Variants in LINGO4 observed in about 807,000 individuals in gnomAD.
The protein encoded by LINGO4 is leucine-rich repeat and immunoglobulin-like domain-containing nogo receptor-interacting protein 4.
Under a neutral mutation model 27.9 loss-of-function variants are expected in LINGO4, and 22 were observed. The observed-to-expected ratio is 0.79, with a 90% CI of 0.56 to 1.13. LINGO4 has a LOEUF of 1.13. Ranked by LOEUF, LINGO4 falls within the 50% of genes most tolerant of loss-of-function variation. The pLI is 0.00. For missense variants in LINGO4, 706 were observed against 739.4 expected (o/e 0.95, Z 0.52); for synonymous variants, 306 against 325.8 (o/e 0.94, Z 0.65).
chr1:151,804,462 T>C (rs933770417), intron 1 of LINGO4, among the ~76,000 whole-genome samples: 3 of 152,200 alleles, frequency 2.0e-5, no homozygotes, highest in Non-Finnish European at 4.4e-5. Context: ...CCTAGGCTTG[T>C]TCTGGGAAGT....
In LINGO4 at chr1:151,801,627, G is replaced by A; in HGVS notation, c.1078C>T (p.Leu360=). ...CAGAGGAGGCGGCAGTCACAGGTTA[G>A]GGGGTTGCCAGACAGCCTCAAGGTG... ...LVTLRLSGNP[L]TCDCRLLWLL... Residue 360 remains leucine (L), a synonymous_variant, in exon 2 of 2, where the codon CTA becomes TTA. Coordinates refer to ENST00000368820, the MANE Select transcript of LINGO4 (RefSeq NM_001004432.4). This position sits in a 1 kb window ranked among gnomAD's most constrained non-coding sequence, Gnocchi z 5.7. 6.2e-7 allele frequency: 1 copy of A among 1,614,006 alleles called. No individual in the cohort carries two copies. Among genetic ancestry groups the A allele is most frequent in the African/African-American group, 1.3e-5 (1 of 75,074 alleles).
Position 151,801,033 on chromosome 1 carries a change from T to C in LINGO4, c.1672A>G (p.Ser558Gly). The change falls in exon 2 of 2, where the codon AGC becomes GGC. Residue 558 changes from serine (S) to glycine (G), a missense_variant. Transcript: ENST00000368820. The surrounding 1 kb of genome is among the most constrained non-coding windows in gnomAD (Gnocchi z 5.7). ...TLCFGLIALW[S>G]KGKGRVKHHM... ...TGTTTGACCCGACCTTTGCCCTTGC[T>C]CCAAAGGGCAATCAGGCCAAAGCAG... is the stretch of plus-strand genomic sequence containing the variant. 1 of 1,613,968 alleles carries C rather than the reference T, an allele frequency of 6.2e-7. No homozygotes were observed. Among genetic ancestry groups the C allele is most frequent in the South Asian group, 1.1e-5 (1 of 91,066 alleles).
At chr1:151,804,481 C>CAGCT (rs1168023507) in intron 1 of LINGO4, among the ~76,000 whole-genome samples, 2 of 152,374 alleles carry the variant, frequency 1.3e-5, no homozygotes, top group African/African-American at 4.8e-5. Flanking sequence ...GTCCACCTGA[C>CAGCT]AGCTAGCTCT....
In LINGO4 at chr1:151,802,623, C is replaced by A; in HGVS notation, c.82G>T (p.Gly28Cys). The A allele has an allele frequency of 6.3e-7, 1 of 1,593,802 alleles. No homozygotes were observed. Among genetic ancestry groups the A allele is most frequent in the Admixed American group, 1.7e-5 (1 of 57,462 alleles). Residue 28 changes from glycine to cysteine, a missense_variant, in exon 2 of 2, where the codon GGT (glycine) becomes TGT (cysteine). By Grantham distance (159) the Gly-to-Cys change is radical. Coordinates refer to ENST00000368820, the MANE Select transcript of LINGO4 (RefSeq NM_001004432.4). ...LFLLLLPGGS[G>C]GSCPAVCDCT... The stretch of plus-strand genomic sequence containing the variant: ...TCACACACAGCAGGGCAGCTGCCAC[C>A]GCTCCCTCCAGGTAGGAGGAGGAGG...
intron 1 of LINGO4, 68 bp from the exon 2 acceptor site, chr1:151,802,785 G>A: frequency 8.6e-7 from 1 of 1,162,906 alleles, no homozygotes. Flanking sequence ...TGGACTTCCT[G>A]GCCCTTCTTA....
chr1:151,801,631 G>A lies in LINGO4; in HGVS notation c.1074C>T (p.Asn358=). Residue 358 remains asparagine (N), a synonymous_variant, in exon 2 of 2, where the codon AAC becomes AAT. Coordinates refer to ENST00000368820, the MANE Select transcript of LINGO4 (RefSeq NM_001004432.4). The surrounding 1 kb of genome is among the most constrained non-coding windows in gnomAD (Gnocchi z 5.7). The stretch of plus-strand genomic sequence containing the variant: ...GGAGGCGGCAGTCACAGGTTAGGGG[G>A]TTGCCAGACAGCCTCAAGGTGACCA... ...DKLVTLRLSG[N]PLTCDCRLLW... is the part of the protein sequence containing the mutation. 1 of 1,614,060 alleles carries A rather than the reference G, an allele frequency of 6.2e-7. No individual in the cohort carries two copies.
At position 151,801,263 on chromosome 1, in the gene LINGO4, G is replaced by A. The variant is rs771331692; in HGVS notation, c.1442C>T (p.Ala481Val). 1 of 1,614,136 alleles carries A rather than the reference G, an allele frequency of 6.2e-7. No individual in the cohort carries two copies. Among genetic ancestry groups the A allele is most frequent in the Non-Finnish European group, 8.5e-7 (1 of 1,180,016 alleles). Reference protein sequence around the residue: ...IRSVQLRDRGAYVCVVSNVAG... With the variant: ...IRSVQLRDRGVYVCVVSNVAG... ...GACATTGCTAACCACACAGACATAG[G>A]CCCCTCTGTCCCGTAGCTGCACTGA... The change falls in exon 2 of 2, where the codon GCC becomes GTC. Residue 481 changes from alanine to valine, a missense_variant. Ala to Val is a moderately conservative substitution (Grantham distance 64). Transcript: ENST00000368820. This position sits in a 1 kb window ranked among gnomAD's most constrained non-coding sequence, Gnocchi z 5.7.
At position 151,801,110 on chromosome 1, in the gene LINGO4, A is replaced by G; in HGVS notation, c.1595T>C (p.Val532Ala). ...PGPFFLDSRG[V>A]AMVLAVGFLP... is the part of the protein sequence containing the mutation. The stretch of plus-strand genomic sequence containing the variant: ...GAAGCCGACTGCCAGCACCATGGCC[A>G]CACCTCTGCTATCCAGAAAAAAAGG... Residue 532 changes from valine to alanine, a missense_variant, in exon 2 of 2, where the codon GTG becomes GCG. Physicochemically the swap from Val to Ala is moderately conservative, Grantham distance 64. Transcript: ENST00000368820. This position sits in a 1 kb window ranked among gnomAD's most constrained non-coding sequence, Gnocchi z 5.7. The G allele has an allele frequency of 6.2e-7, 1 of 1,614,206 alleles. No individual in the cohort carries two copies. Among genetic ancestry groups the G allele is most frequent in the Non-Finnish European group, 8.5e-7 (1 of 1,180,026 alleles).
Position 151,802,657 on chromosome 1 carries a change from C to T in LINGO4, c.48G>A (p.Pro16=), listed in dbSNP as rs545454934. The T allele has an allele frequency of 6.4e-6, 10 of 1,554,018 alleles. No homozygotes were observed. The highest frequency in any genetic ancestry group is 2.3e-5 in the East Asian group (1 of 44,310). Residue 16 remains proline, a synonymous_variant, in exon 2 of 2, where the codon CCG becomes CCA. Coordinates refer to ENST00000368820, the MANE Select transcript of LINGO4 (RefSeq NM_001004432.4). ...CAGGTAGGAGGAGGAGGAAAAGGAG[C>T]GGGGGCCATGGGGGCCAGGCTTGCT... ...APKQAWPPWP[P]LLFLLLLPGG...
At chr1:151,804,995 G>C (rs76366784) in intron 1 of LINGO4, among the ~76,000 whole-genome samples, 9,161 of 152,264 alleles carry the variant, frequency 0.06, 899 homozygotes, top group African/African-American at 0.21. Flanking sequence ...CCAGAGGAAG[G>C]GGAAGCACTG....
chr1:151,801,370 G>T lies in LINGO4; in HGVS notation c.1335C>A (p.Val445=), dbSNP rs1258325375. 2 of 1,613,972 alleles carry T rather than the reference G, an allele frequency of 1.2e-6. No individual in the cohort carries two copies. Among genetic ancestry groups the T allele is most frequent in the Non-Finnish European group, 1.7e-6 (2 of 1,179,850 alleles). Residue 445 remains valine, a synonymous_variant, in exon 2 of 2, where the codon GTC becomes GTA. Coordinates refer to ENST00000368820, the MANE Select transcript of LINGO4 (RefSeq NM_001004432.4). The surrounding 1 kb of genome is among the most constrained non-coding windows in gnomAD (Gnocchi z 5.7). ...CSGDGDPAPT[V]SWMRPHGAWL... ...AAGCCCCATGAGGCCTCATCCAGGAGACAGTGGGGGCTGGGTCTCCATCTC... is the reference window on the plus strand; with the variant it reads ...AAGCCCCATGAGGCCTCATCCAGGATACAGTGGGGGCTGGGTCTCCATCTC...
intron 1 of LINGO4, among the ~76,000 whole-genome samples, chr1:151,804,464 C>A (rs950570817): frequency 6.6e-6 from 1 of 152,188 alleles, no homozygotes; most frequent in African/African-American, 2.4e-5. Context: ...TAGGCTTGTT[C>A]TGGGAAGTCC....
rs200784124 is a variant in LINGO4 at position 151,801,276 on chromosome 1, G to A, written c.1429C>T (p.Arg477Trp). ...GTLEIRSVQL[R>W]DRGAYVCVVS... is the part of the protein sequence containing the mutation. Reference sequence around the variant, plus strand: ...ACACAGACATAGGCCCCTCTGTCCCGTAGCTGCACTGAGCGGATCTCCAGT... The same window carrying A: ...ACACAGACATAGGCCCCTCTGTCCCATAGCTGCACTGAGCGGATCTCCAGT... Residue 477 changes from arginine to tryptophan, a missense_variant, in exon 2 of 2, where the codon CGG becomes TGG. Arg to Trp is a moderately radical substitution (Grantham distance 101). Transcript: ENST00000368820. The surrounding 1 kb of genome is among the most constrained non-coding windows in gnomAD (Gnocchi z 5.7). The A allele has an allele frequency of 1.9e-5, 30 of 1,614,154 alleles. No individual in the cohort carries two copies. In the African/African-American group the frequency reaches 2.5e-4, roughly 14 times the overall value.
At position 151,800,911 on chromosome 1, in the gene LINGO4, G is replaced by A. The variant is rs1521179; in HGVS notation, c.*12C>T. 58,050 of 1,585,980 alleles carry A rather than the reference G, an allele frequency of 0.037. 7,100 individuals are homozygous for A. Among genetic ancestry groups the A allele is most frequent in the East Asian group, 0.34 (14,992 of 44,462 alleles). ...AGCGGACTTGGTGGGTTCCCCACTGGGGAAGGAAAGGTCAGAAGAGCTTGG... is the reference window on the plus strand; with the variant it reads ...AGCGGACTTGGTGGGTTCCCCACTGAGGAAGGAAAGGTCAGAAGAGCTTGG... On this transcript the variant is annotated 3_prime_UTR_variant, in exon 2 of 2. Transcript: ENST00000368820.
rs186928072 is a variant in LINGO4 at position 151,805,295 on chromosome 1, A to G, written c.-79T>C. ...TGTCCAGCGCTGGGGGCCCTGTCCC[A>G]TTCGAGCTGCACCTCAGGCCCCTGC... On this transcript the variant is annotated 5_prime_UTR_variant, in exon 1 of 2. The change abolishes an upstream ATG in the 5' untranslated region. Transcript: ENST00000368820. 8.5e-4 allele frequency: 135 copies of G among 158,906 alleles called. 2 individuals carry two copies. The East Asian group carries it at 0.014, about 17-fold the overall frequency. 9.8% of individuals were successfully genotyped at this position (158,906 alleles called of 1,614,324 possible).
chr1:151,802,047 G>C lies in LINGO4; in HGVS notation c.658C>G (p.Pro220Ala), dbSNP rs1377014276. Reference sequence around the variant, plus strand: ...CCCAGCCCCCGCAGGGCCCCAGCTGGCAGCCTCCCAATATCCAGTTCTCTA... The same window carrying C: ...CCCAGCCCCCGCAGGGCCCCAGCTGCCAGCCTCCCAATATCCAGTTCTCTA... The part of the protein sequence containing the change: ...RLRELDIGRL[P>A]AGALRGLGQL... Residue 220 changes from proline (P) to alanine (A), a missense_variant, in exon 2 of 2, where the codon CCA becomes GCA. Coordinates refer to ENST00000368820, the MANE Select transcript of LINGO4 (RefSeq NM_001004432.4). The C allele has an allele frequency of 5.0e-6, 8 of 1,614,124 alleles. No homozygotes were observed.
In LINGO4 at chr1:151,801,055, G is replaced by A. The variant is rs773727901; in HGVS notation, c.1650C>T (p.Cys550=). ...TGCTCCAAAGGGCAATCAGGCCAAAGCAGAGGGTCACTGAGGTGAGGAAGG... is the reference window on the plus strand; with the variant it reads ...TGCTCCAAAGGGCAATCAGGCCAAAACAGAGGGTCACTGAGGTGAGGAAGG... ...FLPFLTSVTL[C]FGLIALWSKG... is the part of the protein sequence containing the mutation. The change falls in exon 2 of 2, where the codon TGC becomes TGT. Residue 550 remains cysteine (C), a synonymous_variant. Transcript: ENST00000368820. The surrounding 1 kb of genome is among the most constrained non-coding windows in gnomAD (Gnocchi z 5.7). 6.2e-7 allele frequency: 1 copy of A among 1,614,214 alleles called. No homozygotes were observed. The highest frequency in any genetic ancestry group is 8.5e-7 in the Non-Finnish European group (1 of 1,180,042).
At chr1:151,803,152 C>T (rs528386530) in intron 1 of LINGO4, among the ~76,000 whole-genome samples, 7 of 152,210 alleles carry the variant, frequency 4.6e-5, no homozygotes, top group East Asian at 3.8e-4. Context: ...TCTCTGCTCA[C>T]GCTTATTCTT....
Position 151,802,295 on chromosome 1 carries a change from A to G in LINGO4, c.410T>C (p.Leu137Pro). 2 of 1,614,240 alleles carry G rather than the reference A, an allele frequency of 1.2e-6. No individual in the cohort carries two copies. The highest frequency in any genetic ancestry group is 1.7e-6 in the Non-Finnish European group (2 of 1,180,046). Residue 137 changes from leucine to proline, a missense_variant, in exon 2 of 2, where the codon CTG becomes CCG. Leu to Pro is a moderately conservative substitution (Grantham distance 98). Coordinates refer to ENST00000368820, the MANE Select transcript of LINGO4 (RefSeq NM_001004432.4). The stretch of plus-strand genomic sequence containing the variant: ...AACAATCTGGTTGAGGCGGAGGTCC[A>G]GCAGGGTCAGAGCAGAGAGGCCTGA... The part of the protein sequence containing the change: ...VFSGLSALTL[L>P]DLRLNQIVLF...
Sources: allele counts gnomAD v4.1 joint callset (sites outside exome capture counted in the v4.1 genomes callset), GRCh38; gene constraint gnomAD v4.1.1; non-coding constraint Gnocchi (gnomAD v3.1); transcripts MANE v1.5; gene names NCBI Gene and HGNC (gene_info 2026-07-23, HGNC 2026-07-21).